The following CCDC159 variants were observed in gnomAD, a reference collection of about 807,000 sequenced individuals.
CCDC159 encodes the protein coiled-coil domain containing 159, also known as coiled-coil domain-containing protein 159.
A neutral mutation model predicts 50.9 loss-of-function variants in CCDC159; 40 were observed. The ratio of observed to expected loss-of-function variants is 0.79; its 90% CI spans 0.61 to 1.02. The LOEUF (loss-of-function observed/expected upper bound fraction) is 1.02. Ranked by LOEUF, CCDC159 falls within the 50% of genes least tolerant of loss-of-function variation. The pLI is 0.00. For missense variants in CCDC159, 356 were observed against 371.5 expected, an observed-to-expected ratio of 0.96 and a Z score of 0.34; for synonymous variants, 146 against 138.9, an observed-to-expected ratio of 1.05 and a Z score of -0.36.
Position 11,353,887 on chromosome 19 carries a change from G to T in CCDC159, c.772+13G>T. The T allele has an allele frequency of 6.4e-7, 1 of 1,554,908 alleles. No individual in the cohort carries two copies. Among genetic ancestry groups the T allele is most frequent in the South Asian group, 1.2e-5 (1 of 83,464 alleles). ...TCGAGCCTAAGAGGTGAGGGAGGCT[G>T]AGAATTGCTCAGGGGTGGGAGGTCA... On this transcript the variant is annotated intron_variant, in intron 9 of 10. Transcript: ENST00000458408.
chr19:11,349,150 C>T, intron 1 of CCDC159: 12 of 1,350,978 alleles, frequency 8.9e-6, no homozygotes, highest in Non-Finnish European at 1.2e-5. Context: ...AGAAGCAGTG[C>T]TGTAATGACC....
At chr19:11,352,348 G>A in intron 7 of CCDC159, 1 of 561,900 alleles carries the variant, frequency 1.8e-6, no homozygotes, top group Non-Finnish European at 3.2e-6. Flanking sequence ...GGGCGCGGTG[G>A]CTCACGCCTG....
chr19:11,352,831 T>A (rs1403798305), intron 7 of CCDC159, among the ~76,000 whole-genome samples: 1 of 152,026 alleles, frequency 6.6e-6, no homozygotes, highest in African/African-American at 2.4e-5. Context: ...CTCAGAAGGC[T>A]GAGGTAGGGG....
Position 11,349,939 on chromosome 19 carries a change from CA to C in CCDC159, c.59del (p.Lys20ArgfsTer4), listed in dbSNP as rs1967476660. On this transcript the variant is annotated frameshift_variant and splice_region_variant, in exon 3 of 11. Coordinates refer to ENST00000458408, the MANE Select transcript of CCDC159 (RefSeq NM_001080503.3). LOFTEE classifies it high-confidence loss of function. ...GCTCACCCTCTTCTCTGCCCACAGCCAAGACCATTGTGATGATTCCCGACTC... is the reference window on the plus strand; with the variant it reads ...GCTCACCCTCTTCTCTGCCCACAGCCAGACCATTGTGATGATTCCCGACTC... ...LETSSSKVKA[K>X]TIVMIPDSQK... 2 of 1,613,724 alleles carry C rather than the reference CA, an allele frequency of 1.2e-6. No homozygotes were observed. Among genetic ancestry groups the C allele is most frequent in the East Asian group, 2.2e-5 (1 of 44,888 alleles).
intron 9 of CCDC159, 101 bp from the exon 10 acceptor site, chr19:11,354,479 G>A (rs758664664): frequency 9.3e-6 from 10 of 1,079,734 alleles, no homozygotes; most frequent in Non-Finnish European, 1.3e-5. Flanking sequence ...GGAATTGGGG[G>A]TCATGGTTTA....
At chr19:11,349,780 T>C in intron 2 of CCDC159, 93 bp downstream of exon 2, 1 of 1,226,242 alleles carries the variant, frequency 8.2e-7, no homozygotes, top group South Asian at 1.2e-5. Flanking sequence ...CCCCCTGCCA[T>C]GGTCACCCAT....
Position 11,352,086 on chromosome 19 carries a change from T to C in CCDC159, c.520T>C (p.Leu174=), listed in dbSNP as rs138783334. Residue 174 remains leucine (L), a synonymous_variant, in exon 7 of 11, where the codon TTG becomes CTG. Coordinates refer to ENST00000458408, the MANE Select transcript of CCDC159 (RefSeq NM_001080503.3). Reference sequence around the variant, plus strand: ...GCAGGAGGATGAGATCTCAGAGAACTTGGTGAACATTCAGAAAATGCAGAA... The same window carrying C: ...GCAGGAGGATGAGATCTCAGAGAACCTGGTGAACATTCAGAAAATGCAGAA... ...QAQEDEISEN[L]VNIQKMQKTQ... is the part of the protein sequence containing the mutation. 330 of 1,613,698 alleles carry C rather than the reference T, an allele frequency of 2.0e-4. No individual in the cohort carries two copies. The African/African-American group carries it at 4.1e-3, about 20-fold the overall frequency.
chr19:11,353,705 C>T, intron 8 of CCDC159, 87 bp from the exon 9 acceptor site: 1 of 1,539,286 alleles, frequency 6.5e-7, no homozygotes, highest in Admixed American at 2.0e-5. Context: ...CTCACCCCAC[C>T]ACGGCCCCCA....
In CCDC159 at chr19:11,350,661, A is replaced by T. The variant is rs1022944536; in HGVS notation, c.227-147A>T. The stretch of plus-strand genomic sequence containing the variant: ...CAAGACTTCATCTCAAAAGAAAAAA[A>T]GTCAGGCTGGAAGCTGGTCCTGTTG... On this transcript the variant is annotated intron_variant, in intron 4 of 10. Transcript: ENST00000458408. 5.3e-6 allele frequency: 4 copies of T among 751,066 alleles called. No individual in the cohort carries two copies. The African/African-American group carries it at 7.3e-5, about 14-fold the overall frequency. 46.5% of individuals were successfully genotyped at this position (751,066 alleles called of 1,614,324 possible).
chr19:11,354,518 C>T lies in CCDC159; in HGVS notation c.773-62C>T. Reference sequence around the variant, plus strand: ...ATCAATGAGGTATACTATGAAGGGACACAGGGCCTATATTTGGGGGTTACT... The same window carrying T: ...ATCAATGAGGTATACTATGAAGGGATACAGGGCCTATATTTGGGGGTTACT... On this transcript the variant is annotated intron_variant, in intron 9 of 10. Transcript: ENST00000458408. 5 of 1,446,016 alleles carry T rather than the reference C, an allele frequency of 3.5e-6. No individual in the cohort carries two copies. The South Asian group carries it at 6.5e-5, about 19-fold the overall frequency. The allele number at this position is 1,446,016 out of a possible 1,614,324, so 89.6% of individuals were successfully genotyped here.
Position 11,349,815 on chromosome 19 carries a change from G to T in CCDC159, c.56-123G>T, listed in dbSNP as rs1273357631. 4 of 1,181,764 alleles carry T rather than the reference G, an allele frequency of 3.4e-6. No homozygotes were observed. The African/African-American group carries it at 6.1e-5, about 18-fold the overall frequency. The allele number at this position is 1,181,764 out of a possible 1,614,324, so 73.2% of individuals were successfully genotyped here. On this transcript the variant is annotated intron_variant, in intron 2 of 10. Transcript: ENST00000458408. ...TTCACTCCTGCCCAAGGCTGAGTGG[G>T]CCCCTGTTCTATATCTTATCCCCTG...
chr19:11,353,700 C>T, intron 8 of CCDC159, 92 bp from the exon 9 acceptor site: 1 of 1,533,658 alleles, frequency 6.5e-7, no homozygotes, highest in Non-Finnish European at 8.9e-7. Context: ...TAGGACTCAC[C>T]CCACCACGGC....
Position 11,349,957 on chromosome 19 carries a change from T to A in CCDC159, c.75T>A (p.Ile25=), listed in dbSNP as rs1387952180. ...CCACAGCCAAGACCATTGTGATGAT[T>A]CCCGACTCCCAGAAGCTCCTGCGAT... ...SKVKAKTIVM[I]PDSQKLLRCE... The change falls in exon 3 of 11, where the codon ATT becomes ATA. Residue 25 remains isoleucine (I), a synonymous_variant. Transcript: ENST00000458408. 1 of 1,613,810 alleles carries A rather than the reference T, an allele frequency of 6.2e-7. No individual in the cohort carries two copies. The highest frequency in any genetic ancestry group is 1.7e-5 in the Admixed American group (1 of 59,998).
chr19:11,348,293 G>T, intron 1 of CCDC159: 2 of 376,630 alleles, frequency 5.3e-6, no homozygotes, highest in Non-Finnish European at 1.0e-5. Context: ...TTTTGTTGTT[G>T]TTTTTTATTT....
rs540037522 is a variant in CCDC159, at chr19:11,350,957, C to T, written c.376C>T (p.Arg126Cys). The change falls in exon 5 of 11, where the codon CGC becomes TGC. Residue 126 changes from arginine to cysteine, a missense_variant. Physicochemically the swap from Arg to Cys is radical, Grantham distance 180 (BLOSUM62 -3). Coordinates refer to ENST00000458408, the MANE Select transcript of CCDC159 (RefSeq NM_001080503.3). The part of the protein sequence containing the change: ...LRDSEEMQRA[R>C]TTRCLQLLAQ... ...TGACAGTGAGGAGATGCAGCGGGCC[C>T]GCACCACTCGCTGCCTGCAGCTGCT... The T allele has an allele frequency of 1.4e-5, 22 of 1,553,934 alleles. No individual in the cohort carries two copies. Among genetic ancestry groups the T allele is most frequent in the Admixed American group, 9.8e-5 (5 of 51,264 alleles).
chr19:11,348,708 TG>T (rs934769616), intron 1 of CCDC159: 3 of 464,924 alleles, frequency 6.5e-6, no homozygotes, highest in Non-Finnish European at 1.3e-5. Flanking sequence ...ACTGGGGACA[TG>T]GGGACTTATC....
chr19:11,346,571 C>A lies in CCDC159; in HGVS notation c.-36C>A, dbSNP rs978770634. 10 of 1,551,410 alleles carry A rather than the reference C, an allele frequency of 6.4e-6. 1 individual carries two copies. In the African/African-American group the frequency reaches 8.2e-5, roughly 13 times the overall value. ...ATGGTGTCCCCGCGGGATCAAACTT[C>A]AGCGTCACAGCTGAGGACTGGCTTC... On this transcript the variant is annotated 5_prime_UTR_variant, in exon 1 of 11. An upstream open reading frame in the 5' UTR gains an earlier in-frame stop. Coordinates refer to ENST00000458408, the MANE Select transcript of CCDC159 (RefSeq NM_001080503.3).
At chr19:11,351,024 A>C in intron 5 of CCDC159, 21 bp downstream of exon 5, 1 of 1,524,274 alleles carries the variant, frequency 6.6e-7, no homozygotes, top group Non-Finnish European at 8.8e-7. Flanking sequence ...GCGGGAGGGC[A>C]GCTTGGAGTC....
intron 1 of CCDC159, chr19:11,348,763 G>A (rs781210265): frequency 9.7e-6 from 5 of 516,262 alleles, no homozygotes; most frequent in South Asian, 7.1e-5. Context: ...CCCTCTTTTG[G>A]CCGGCCTACC....
Sources: gnomAD v4.1 joint callset for allele counts (sites outside exome capture counted in the v4.1 genomes callset) on GRCh38, gnomAD v4.1.1 for gene constraint, MANE v1.5 for transcripts, NCBI Gene and HGNC (gene_info 2026-07-23, HGNC 2026-07-21) for gene names.